The following DAAM1 variants were observed in gnomAD, a reference collection of about 807,000 sequenced individuals.
DAAM1 encodes the protein disheveled-associated activator of morphogenesis 1.
DAAM1 carries 52 observed loss-of-function variants against 130.0 expected under a neutral mutation model. That is an observed-to-expected ratio of 0.40 (90% CI 0.32 to 0.50). DAAM1 has a LOEUF of 0.50. Ranked by LOEUF, DAAM1 falls within the 20% of genes least tolerant of loss-of-function variation. DAAM1 has a pLI of 0.61. For missense variants in DAAM1, 1,134 were observed against 1,303.8 expected (o/e 0.87, Z 2.01); for synonymous variants, 452 against 444.5 (o/e 1.02, Z -0.21).
At chr14:59,352,778 G>C (rs1417747907) in intron 18 of DAAM1, 146 bp downstream of exon 18, 3 of 715,466 alleles carry the variant, frequency 4.2e-6, no homozygotes, top group Non-Finnish European at 6.8e-6. Context: ...AAGTCTGAGT[G>C]ATGTGGAATT....
At chr14:59,365,075 A>G (rs1234697893) in intron 23 of DAAM1, among the ~76,000 whole-genome samples, 1 of 150,552 alleles carries the variant, frequency 6.6e-6, no homozygotes, top group East Asian at 1.9e-4. Context: ...GGCTGTTGTC[A>G]GCTTGTTCAT....
chr14:59,202,764 C>G (rs1888146591), intron 1 of DAAM1, among the ~76,000 whole-genome samples: 1 of 152,168 alleles, frequency 6.6e-6, no homozygotes, highest in Non-Finnish European at 1.5e-5. Flanking sequence ...GGAGCATTTT[C>G]ATTTCTTTCA....
intron 2 of DAAM1, 151 bp downstream of exon 2, chr14:59,263,811 C>A: frequency 1.1e-6 from 1 of 912,498 alleles, no homozygotes; most frequent in Non-Finnish European, 1.7e-6. Flanking sequence ...TCACTGTCAG[C>A]ACTAAACCTG....
chr14:59,344,837 T>C (rs1886007668), intron 16 of DAAM1, among the ~76,000 whole-genome samples: 1 of 152,214 alleles, frequency 6.6e-6, no homozygotes, highest in East Asian at 1.9e-4. Context: ...ACTTCAAGTA[T>C]TGTTCTCGCT....
At chr14:59,336,164 G>A (rs1246694234) in intron 15 of DAAM1, among the ~76,000 whole-genome samples, 1 of 151,916 alleles carries the variant, frequency 6.6e-6, no homozygotes, top group Non-Finnish European at 1.5e-5. Context: ...ATTTACAAAA[G>A]TCTCAAAAAG....
At chr14:59,248,095 G>A (rs183758010) in intron 1 of DAAM1, among the ~76,000 whole-genome samples, 8 of 152,278 alleles carry the variant, frequency 5.3e-5, no homozygotes, top group Admixed American at 1.3e-4. Flanking sequence ...GTGAGTAGGA[G>A]TAATAATTTA....
intron 22 of DAAM1, chr14:59,363,196 CCA>C (rs1409869255): frequency 6.1e-6 from 1 of 164,428 alleles, no homozygotes; most frequent in Non-Finnish European, 1.3e-5. Flanking sequence ...TACCCATATC[CCA>C]CAGTTTAAGA....
intron 1 of DAAM1, among the ~76,000 whole-genome samples, chr14:59,205,893 T>C (rs1366958790): frequency 1.3e-5 from 2 of 152,158 alleles, no homozygotes; most frequent in African/African-American, 4.8e-5. Context: ...GTTCGGGTGG[T>C]AAGTTTTTTT....
Position 59,369,694 on chromosome 14 carries a change from A to ATTTT in DAAM1, c.*836_*837insTTTT, listed in dbSNP as rs1887074377. 7 of 151,558 alleles carry ATTTT rather than the reference A, an allele frequency of 4.6e-5. No individual in the cohort carries two copies. The highest frequency in any genetic ancestry group is 1.5e-5 in the Non-Finnish European group (1 of 67,832). The allele number at this position is 151,558 out of a possible 1,614,324, so 9.4% of individuals were successfully genotyped here. A position where few individuals can be genotyped will look rare whatever the true frequency, so the allele number is the denominator to read the frequency against. On this transcript the variant is annotated 3_prime_UTR_variant, in exon 25 of 25. Coordinates refer to ENST00000360909, the MANE Select transcript of DAAM1 (RefSeq NM_001270520.2). ...CAATATAGATATATAAACCTTAAAA[A>ATTTT]TAATAAAATATCTCACCCAAGACTT...
rs548159865 is a variant in DAAM1 at position 59,219,329 on chromosome 14, C to G, written c.-38+30561C>G. Among the ~76,000 whole-genome samples, 4 of 152,180 alleles carry G rather than the reference C, an allele frequency of 2.6e-5. No homozygotes were observed. In the South Asian group the frequency reaches 8.3e-4, roughly 32 times the overall value. On this transcript the variant is annotated intron_variant, in intron 1 of 24. Coordinates refer to ENST00000360909, the MANE Select transcript of DAAM1 (RefSeq NM_001270520.2). The stretch of plus-strand genomic sequence containing the variant: ...TTCTTTTTTTTAAATAGTCTTTTCT[C>G]GAGGGCTAGGAAAACTTACTCTATG...
intron 3 of DAAM1, among the ~76,000 whole-genome samples, chr14:59,301,176 G>T (rs1884156051): frequency 1.3e-5 from 2 of 151,970 alleles, no homozygotes. Flanking sequence ...AAGTTTTTCA[G>T]TTTTTTCCCA....
chr14:59,210,925 A>G (rs1888408005), intron 1 of DAAM1, among the ~76,000 whole-genome samples: 1 of 152,226 alleles, frequency 6.6e-6, no homozygotes, highest in Admixed American at 6.5e-5. Flanking sequence ...TGTTATGCCC[A>G]GTATATTTTG....
intron 3 of DAAM1, among the ~76,000 whole-genome samples, chr14:59,306,636 T>A (rs907252460): frequency 3.9e-5 from 6 of 152,066 alleles, no homozygotes; most frequent in African/African-American, 1.4e-4. Flanking sequence ...GAGCAGCAGT[T>A]GAGTATAGCC....
chr14:59,249,406 C>G (rs1881535737), intron 1 of DAAM1, among the ~76,000 whole-genome samples: 1 of 152,186 alleles, frequency 6.6e-6, no homozygotes, highest in African/African-American at 2.4e-5. Flanking sequence ...TTTTATTTCA[C>G]TGGGACAGAT....
At chr14:59,228,253 C>T (rs1031770290) in intron 1 of DAAM1, among the ~76,000 whole-genome samples, 4 of 152,132 alleles carry the variant, frequency 2.6e-5, no homozygotes, top group South Asian at 2.1e-4. Flanking sequence ...AAAATAATTA[C>T]GGTGGTTTTC....
Position 59,286,210 on chromosome 14 carries a change from AT to A in DAAM1, c.184-4998del, listed in dbSNP as rs1025591118. 4.3e-4 allele frequency among the ~76,000 whole-genome samples: 65 copies of A among 151,950 alleles called. 1 individual carries two copies. Among genetic ancestry groups the A allele is most frequent in the African/African-American group, 1.0e-3 (43 of 41,478 alleles). On this transcript the variant is annotated intron_variant, in intron 2 of 24. Coordinates refer to ENST00000360909, the MANE Select transcript of DAAM1 (RefSeq NM_001270520.2). ...ATGAAATTAAGGCAAAAGTATAAAA[AT>A]TTTTTTTTAAATCCTTGAAATTAAT...
At chr14:59,296,226 C>A (rs1472248019) in intron 3 of DAAM1, among the ~76,000 whole-genome samples, 1 of 152,210 alleles carries the variant, frequency 6.6e-6, no homozygotes, top group Admixed American at 6.5e-5. Flanking sequence ...ACTCTGCAGG[C>A]TCTGAAATTA....
chr14:59,361,392 G>T (rs774982836), intron 22 of DAAM1, among the ~76,000 whole-genome samples: 1 of 152,162 alleles, frequency 6.6e-6, no homozygotes, highest in Non-Finnish European at 1.5e-5. Flanking sequence ...CAGCCTGGCC[G>T]CATCCAGATA....
At chr14:59,358,729 G>C (rs1429998173) in intron 20 of DAAM1, among the ~76,000 whole-genome samples, 1 of 151,888 alleles carries the variant, frequency 6.6e-6, no homozygotes, top group Non-Finnish European at 1.5e-5. Flanking sequence ...TGTAATCCCA[G>C]CTACTCGGGA....
Sources: gnomAD v4.1 joint callset for allele counts (sites outside exome capture counted in the v4.1 genomes callset) on GRCh38, gnomAD v4.1.1 for gene constraint, MANE v1.5 for transcripts, NCBI Gene and HGNC (gene_info 2026-07-23, HGNC 2026-07-21) for gene names.